Variants in DOCK5 observed in about 807,000 individuals in gnomAD.
DOCK5 encodes the protein dedicator of cytokinesis protein 5.
A neutral mutation model predicts 251.8 loss-of-function variants in DOCK5; 142 were observed. The observed-to-expected ratio is 0.56, with a 90% CI of 0.49 to 0.65. DOCK5 has a LOEUF of 0.65. Ranked by LOEUF, DOCK5 falls within the 30% of genes least tolerant of loss-of-function variation. DOCK5 has a pLI of 0.00. For synonymous variants in DOCK5, 842 were observed against 835.5 expected (o/e 1.01, Z -0.13); for missense variants, 2,111 against 2,312.3 (o/e 0.91, Z 1.79).
chr8:25,310,435 C>T lies in DOCK5; in HGVS notation c.1221C>T (p.Pro407=), dbSNP rs146354483. Residue 407 remains proline (P), a synonymous_variant, in exon 13 of 52, where the codon CCC becomes CCT. Coordinates refer to ENST00000276440, the MANE Select transcript of DOCK5 (RefSeq NM_024940.8). ...TTTGGGTATCCTTGAAGCTCTTGCC[C>T]GGTGACCTCACCCAGGTTCAGAAGA... ...QGLWVSLKLL[P]GDLTQVQKNF... 7.6e-5 allele frequency: 122 copies of T among 1,613,474 alleles called. No homozygotes were observed. The highest frequency in any genetic ancestry group is 9.1e-5 in the Non-Finnish European group (107 of 1,179,688).
intron 2 of DOCK5, among the ~76,000 whole-genome samples, chr8:25,267,439 C>CAGTTTTCT (rs1287979714): frequency 6.6e-6 from 1 of 152,120 alleles, no homozygotes; most frequent in African/African-American, 2.4e-5. Flanking sequence ...AAGATAAGTT[C>CAGTTTTCT]AGTTTTCTAC....
intron 41 of DOCK5, 117 bp downstream of exon 41, chr8:25,389,349 C>T: frequency 7.7e-7 from 1 of 1,301,540 alleles, no homozygotes; most frequent in Non-Finnish European, 1.0e-6. Flanking sequence ...TCTTCTCAAG[C>T]ATTCTGACAC....
intron 18 of DOCK5, 140 bp downstream of exon 18, chr8:25,325,687 T>C: frequency 1.0e-6 from 1 of 990,390 alleles, no homozygotes; most frequent in Admixed American, 3.0e-5. Flanking sequence ...TGCTCTCTGC[T>C]TTTCAAGTGG....
At chr8:25,293,148 C>T (rs1017418957) in intron 6 of DOCK5, among the ~76,000 whole-genome samples, 9 of 152,070 alleles carry the variant, frequency 5.9e-5, no homozygotes, top group South Asian at 2.1e-4. Context: ...AGTGGTTCCT[C>T]GGTTAGCTGT....
chr8:25,362,391 C>G (rs1056954741), intron 28 of DOCK5, among the ~76,000 whole-genome samples: 2 of 151,890 alleles, frequency 1.3e-5, no homozygotes, highest in Non-Finnish European at 2.9e-5. Context: ...GTCCAAAGCT[C>G]CAAGTTCTCA....
chr8:25,345,277 C>A, intron 25 of DOCK5, 198 bp from the exon 26 acceptor site: 4 of 417,276 alleles, frequency 9.6e-6, no homozygotes, highest in Admixed American at 4.0e-5. Flanking sequence ...TTAATTCATT[C>A]ATCTGCGCAT....
At chr8:25,306,893 C>A (rs1490183927) in intron 11 of DOCK5, among the ~76,000 whole-genome samples, 1 of 152,038 alleles carries the variant, frequency 6.6e-6, no homozygotes, top group East Asian at 1.9e-4. Context: ...TTACACAAAC[C>A]CGGAATATAT....
intron 27 of DOCK5, among the ~76,000 whole-genome samples, chr8:25,354,014 T>G: frequency 9.3e-6 from 1 of 107,130 alleles, no homozygotes; most frequent in Admixed American, 1.5e-4. Context: ...GGTGACAGAG[T>G]GAGACTTTGT....
intron 22 of DOCK5, among the ~76,000 whole-genome samples, chr8:25,338,105 A>G (rs1301629464): frequency 6.6e-6 from 1 of 151,816 alleles, no homozygotes; most frequent in Non-Finnish European, 1.5e-5. Flanking sequence ...GTTCAGTGGC[A>G]TGATGTTGGG....
At chr8:25,319,483 G>A (rs888743783) in intron 14 of DOCK5, 95 bp from the exon 15 acceptor site, 5 of 737,012 alleles carry the variant, frequency 6.8e-6, no homozygotes, top group East Asian at 2.7e-5. Context: ...ATGTGTGGAC[G>A]TGTTTGGGGG....
At chr8:25,341,833 T>G in intron 24 of DOCK5, 24 bp downstream of exon 24, 2 of 1,543,076 alleles carry the variant, frequency 1.3e-6, no homozygotes, top group African/African-American at 1.4e-5. Flanking sequence ...CAAAATTTTG[T>G]TCCTTAACTC....
intron 1 of DOCK5, among the ~76,000 whole-genome samples, chr8:25,226,210 T>G (rs1327472654): frequency 6.6e-6 from 1 of 151,002 alleles, no homozygotes; most frequent in Non-Finnish European, 1.5e-5. Context: ...GTATGTATCC[T>G]CCACACTAGT....
chr8:25,351,118 C>T (rs919519854), intron 26 of DOCK5, among the ~76,000 whole-genome samples: 2 of 151,934 alleles, frequency 1.3e-5, no homozygotes, highest in Admixed American at 6.6e-5. Context: ...AGTGCAGTGG[C>T]GTGATCTCAG....
intron 1 of DOCK5, among the ~76,000 whole-genome samples, chr8:25,190,505 A>G (rs182130934): frequency 6.6e-6 from 1 of 152,290 alleles, no homozygotes; most frequent in African/African-American, 2.4e-5. Context: ...AGGCGCTAGT[A>G]GTGCAATTGC....
chr8:25,400,016 C>T (rs755595097), intron 46 of DOCK5, 22 bp downstream of exon 46: 11 of 1,598,220 alleles, frequency 6.9e-6, no homozygotes, highest in Middle Eastern at 3.3e-4. Flanking sequence ...CTTTCCTCTA[C>T]ACTCCCAGGG....
intron 27 of DOCK5, among the ~76,000 whole-genome samples, chr8:25,352,352 C>T (rs1455597167): frequency 1.3e-5 from 2 of 151,784 alleles, no homozygotes; most frequent in African/African-American, 4.8e-5. Context: ...ACCACCCAGC[C>T]CCTTTGATTC....
chr8:25,408,411 G>A (rs1220340938), intron 49 of DOCK5, among the ~76,000 whole-genome samples: 2 of 152,156 alleles, frequency 1.3e-5, no homozygotes, highest in African/African-American at 4.8e-5. Flanking sequence ...TAGAGCTGTC[G>A]TTCTTGCCAC....
At chr8:25,307,383 T>A (rs939940474) in intron 11 of DOCK5, among the ~76,000 whole-genome samples, 2 of 152,118 alleles carry the variant, frequency 1.3e-5, no homozygotes, top group African/African-American at 4.8e-5. Flanking sequence ...CCTCCCAAAG[T>A]GCTGGGATTA....
rs1801686352 is a variant in DOCK5, at chr8:25,414,996, AAG to A, written c.*3701_*3702del. 1.4e-5 allele frequency: 2 copies of A among 138,908 alleles called. No homozygotes were observed. Among genetic ancestry groups the A allele is most frequent in the East Asian group, 2.2e-4 (1 of 4,504 alleles). The allele number at this position is 138,908 out of a possible 1,614,324, so 8.6% of individuals were successfully genotyped here. ...TTATTCTGCTTTTTATTTAAACAAA[AAG>A]AGGGGGAGGATCTGAAGGAAACTAG... On this transcript the variant is annotated 3_prime_UTR_variant, in exon 52 of 52. Transcript: ENST00000276440.
Sources: allele counts gnomAD v4.1 joint callset (sites outside exome capture counted in the v4.1 genomes callset), GRCh38; gene constraint gnomAD v4.1.1; transcripts MANE v1.5; gene names NCBI Gene and HGNC (gene_info 2026-07-23, HGNC 2026-07-21).